Variants in ACOT13 observed in about 807,000 individuals in gnomAD.
ACOT13 encodes acyl-CoA thioesterase 13, also known as acyl-coenzyme A thioesterase 13.
Under a neutral mutation model 11.8 loss-of-function variants are expected in ACOT13, and 10 were observed. The ratio of observed to expected loss-of-function variants is 0.85; its 90% confidence interval spans 0.53 to 1.44. ACOT13 has a LOEUF of 1.44. ACOT13 is among the 40% of genes most tolerant of loss of function. The pLI, the probability that ACOT13 is intolerant of heterozygous loss-of-function variation, is 0.00. For synonymous variants in ACOT13, 53 were observed against 61.0 expected, an observed-to-expected ratio of 0.87 and a Z score of 0.61; for missense variants, 172 against 174.1, an observed-to-expected ratio of 0.99 and a Z score of 0.07.
chr6:24,667,263 G>A lies in ACOT13; in HGVS notation c.-1G>A. On this transcript the variant is annotated 5_prime_UTR_variant, in exon 1 of 3. Transcript: ENST00000230048. Reference sequence around the variant, plus strand: ...GCCCAAAGGCTGGAAAACCGTCCACGATGACCAGCATGACTCAGTCTCTGC... The same window carrying A: ...GCCCAAAGGCTGGAAAACCGTCCACAATGACCAGCATGACTCAGTCTCTGC... The A allele has an allele frequency of 2.5e-6, 4 of 1,614,020 alleles. No homozygotes were observed. Among genetic ancestry groups the A allele is most frequent in the Non-Finnish European group, 3.4e-6 (4 of 1,179,974 alleles).
chr6:24,691,451 A>AT (rs1159512074), intron 1 of ACOT13, among the ~76,000 whole-genome samples: 1 of 152,202 alleles, frequency 6.6e-6, no homozygotes, highest in Non-Finnish European at 1.5e-5. Context: ...AAGAGAATAT[A>AT]TAGTATGTTA....
chr6:24,680,880 C>T (rs1420907739), intron 1 of ACOT13, among the ~76,000 whole-genome samples: 1 of 152,192 alleles, frequency 6.6e-6, no homozygotes, highest in Non-Finnish European at 1.5e-5. Flanking sequence ...ACAGCTCGCA[C>T]GTTTGAGGAG....
intron 1 of ACOT13, among the ~76,000 whole-genome samples, chr6:24,684,956 G>A (rs901572140): frequency 2.6e-5 from 4 of 152,186 alleles, no homozygotes; most frequent in Non-Finnish European, 4.4e-5. Flanking sequence ...AGGCTGCAGT[G>A]AGCTATGATT....
chr6:24,682,929 G>C (rs1393764422), intron 1 of ACOT13, among the ~76,000 whole-genome samples: 10 of 152,206 alleles, frequency 6.6e-5, no homozygotes, highest in Admixed American at 6.5e-4. Context: ...ATAGATGATT[G>C]GCTATTTCTT....
intron 1 of ACOT13, among the ~76,000 whole-genome samples, chr6:24,671,186 A>C (rs1045432274): frequency 6.6e-6 from 1 of 152,208 alleles, no homozygotes; most frequent in Non-Finnish European, 1.5e-5. Context: ...AGCACTATTC[A>C]CCATAGCAAA....
chr6:24,686,501 G>A (rs759683803), intron 1 of ACOT13, among the ~76,000 whole-genome samples: 3 of 151,972 alleles, frequency 2.0e-5, no homozygotes, highest in Admixed American at 6.5e-5. Flanking sequence ...AAGCAGGTGC[G>A]TCAAATGGCA....
At chr6:24,687,675 G>A (rs1778653719) in intron 1 of ACOT13, 2 of 1,428,958 alleles carry the variant, frequency 1.4e-6, no homozygotes, top group African/African-American at 1.5e-5. Flanking sequence ...ATGTAAAGAA[G>A]ACAGAAATGG....
intron 1 of ACOT13, among the ~76,000 whole-genome samples, chr6:24,695,647 G>A (rs1778781007): frequency 6.6e-6 from 1 of 152,110 alleles, no homozygotes. Context: ...TTTTTACATT[G>A]CCAATGCCTG....
chr6:24,678,048 C>T (rs958348305), intron 1 of ACOT13, among the ~76,000 whole-genome samples: 9 of 152,148 alleles, frequency 5.9e-5, no homozygotes, highest in Admixed American at 3.3e-4. Flanking sequence ...AAATCATCCC[C>T]GTACTGAAGG....
At chr6:24,670,527 C>G (rs942900311) in intron 1 of ACOT13, among the ~76,000 whole-genome samples, 5 of 152,208 alleles carry the variant, frequency 3.3e-5, no homozygotes, top group Non-Finnish European at 5.9e-5. Context: ...GGAAAGTACA[C>G]CTTTCCACTC....
rs751911832 is a variant in ACOT13 at position 24,701,933 on chromosome 6, G to C, written c.*318G>C. On this transcript the variant is annotated 3_prime_UTR_variant, in exon 3 of 3. Coordinates refer to ENST00000230048, the MANE Select transcript of ACOT13 (RefSeq NM_018473.4). The stretch of plus-strand genomic sequence containing the variant: ...TAAAGTCCAGTGTTAAGCTAAAGGA[G>C]AAATAGAAATTAATGGTTCTAATTC... 9 of 200,910 alleles carry C rather than the reference G, an allele frequency of 4.5e-5. No homozygotes were observed. Among genetic ancestry groups the C allele is most frequent in the Middle Eastern group, 1.8e-3 (1 of 570 alleles). The allele number at this position is 200,910 out of a possible 1,614,324, so 12.4% of individuals were successfully genotyped here.
At chr6:24,700,482 CTGGA>C (rs2127629590) in intron 2 of ACOT13, among the ~76,000 whole-genome samples, 1 of 124,720 alleles carries the variant, frequency 8.0e-6, no homozygotes, top group South Asian at 2.6e-4. Context: ...GTTGCCCAGG[CTGGA>C]GTCCAGTGGC....
chr6:24,684,992 C>T (rs529749764), intron 1 of ACOT13, among the ~76,000 whole-genome samples: 1 of 152,260 alleles, frequency 6.6e-6, no homozygotes, highest in East Asian at 1.9e-4. Flanking sequence ...AGCCTGGTGA[C>T]AAAGTGAGAC....
chr6:24,678,010 C>G (rs188057341), intron 1 of ACOT13, among the ~76,000 whole-genome samples: 22 of 152,282 alleles, frequency 1.4e-4, no homozygotes, highest in African/African-American at 5.3e-4. Flanking sequence ...CTTGATGGCA[C>G]CAGGTTTCTG....
At chr6:24,684,219 T>A (rs1264756172) in intron 1 of ACOT13, among the ~76,000 whole-genome samples, 1 of 152,212 alleles carries the variant, frequency 6.6e-6, no homozygotes, top group Non-Finnish European at 1.5e-5. Flanking sequence ...ATACATTTAA[T>A]GTTTTCAAAT....
At chr6:24,695,387 A>G (rs757391012) in intron 1 of ACOT13, among the ~76,000 whole-genome samples, 3 of 152,298 alleles carry the variant, frequency 2.0e-5, no homozygotes, top group South Asian at 2.1e-4. Flanking sequence ...TATTTCTTCA[A>G]CTGCCTGGCT....
intron 1 of ACOT13, among the ~76,000 whole-genome samples, chr6:24,670,994 ACG>A (rs1048845437): frequency 7.2e-5 from 11 of 152,166 alleles, no homozygotes; most frequent in Non-Finnish European, 1.5e-4. Context: ...AGGAATAGTT[ACG>A]TTTTTACACT....
At position 24,667,354 on chromosome 6, in the gene ACOT13, A is replaced by G; in HGVS notation, c.81+10A>G. 6.2e-7 allele frequency: 1 copy of G among 1,613,686 alleles called. No homozygotes were observed. ...GAGAGTTTTGGGAAAGGTATGGGAA[A>G]GGTAGGGGAGAAGCCGTGGCTTCTA... is the stretch of plus-strand genomic sequence containing the variant. On this transcript the variant is annotated intron_variant, in intron 1 of 2. Coordinates refer to ENST00000230048, the MANE Select transcript of ACOT13 (RefSeq NM_018473.4).
chr6:24,681,049 G>A (rs988275292), intron 1 of ACOT13, among the ~76,000 whole-genome samples: 4 of 152,180 alleles, frequency 2.6e-5, no homozygotes, highest in East Asian at 1.9e-4. Flanking sequence ...CCTTTGTATG[G>A]TAATTAAGAT....
Sources: allele counts gnomAD v4.1 joint callset (sites outside exome capture counted in the v4.1 genomes callset), GRCh38; gene constraint gnomAD v4.1.1; transcripts MANE v1.5; gene names NCBI Gene and HGNC (gene_info 2026-07-23, HGNC 2026-07-21).